The following PLIN4 variants were observed in gnomAD, a reference collection of about 807,000 sequenced individuals.
PLIN4 encodes the protein perilipin-4.
PLIN4 carries 57 observed loss-of-function variants against 52.4 expected under a neutral mutation model. The observed-to-expected ratio is 1.09, with a 90% CI of 0.88 to 1.36. The LOEUF is 1.36. PLIN4 is among the 40% of genes most tolerant of loss of function. PLIN4 has a pLI of 0.00. For missense variants in PLIN4, 1,757 were observed against 1,770.3 expected (o/e 0.99, Z 0.13); for synonymous variants, 826 against 785.4 (o/e 1.05, Z -0.86).
chr19:4,513,303 A>G lies in PLIN4; in HGVS notation c.657T>C (p.Thr219=), dbSNP rs771927591. The G allele has an allele frequency of 5.0e-6, 8 of 1,610,468 alleles. No individual in the cohort carries two copies. Among genetic ancestry groups the G allele is most frequent in the Middle Eastern group, 1.6e-4 (1 of 6,074 alleles). The stretch of plus-strand genomic sequence containing the variant: ...TGGAGGTTTCCACGCCAGTCTGGAC[A>G]GTCCCTTTGGCCAAGTTCACTGCCC... ...VMGAVNLAKG[T]VQTGVETSKA... is the part of the protein sequence containing the mutation. The change falls in exon 5 of 8, where the codon ACT becomes ACC. Residue 219 remains threonine (T), a synonymous_variant. Coordinates refer to ENST00000301286, the MANE Select transcript of PLIN4 (RefSeq NM_001367868.2).
In PLIN4 at chr19:4,510,862, C is replaced by T. The variant is rs200266507; in HGVS notation, c.3098G>A (p.Gly1033Glu). The change falls in exon 5 of 8, where the codon GGG (glycine) becomes GAG (glutamate). Residue 1033 changes from glycine to glutamate, a missense_variant. Gly to Glu is a moderately conservative substitution (Grantham distance 98, BLOSUM62 -2). This residue lies in a region of PLIN4 where 712 missense variants were observed against 637.1 expected (regional missense o/e 1.12). Transcript: ENST00000301286. ...LTGTKDAVSA[G>E]LMGSGNVATG... ...CGCCACGTTCCCTGACCCCATGAGC[C>T]CAGCGGACACTGCGTCTTTGGTTCC... The T allele has an allele frequency of 6.2e-7, 1 of 1,613,656 alleles. No homozygotes were observed.
In PLIN4 at chr19:4,518,376, G is replaced by A. The variant is rs1023177473; in HGVS notation, c.-18+9C>T. 5.8e-5 allele frequency: 71 copies of A among 1,231,312 alleles called. No individual in the cohort carries two copies. The highest frequency in any genetic ancestry group is 6.8e-5 in the Non-Finnish European group (67 of 987,822). The allele number at this position is 1,231,312 out of a possible 1,614,324, so 76.3% of individuals were successfully genotyped here. A position where few individuals can be genotyped will look rare whatever the true frequency, so the allele number is the denominator to read the frequency against. Reference sequence around the variant, plus strand: ...TCCCCACTGAAAGCCTGAGCAGCCCGACACCCACCTGCAGGCCTGGCCTCA... The same window carrying A: ...TCCCCACTGAAAGCCTGAGCAGCCCAACACCCACCTGCAGGCCTGGCCTCA... On this transcript the variant is annotated intron_variant, in intron 1 of 7. Coordinates refer to ENST00000301286, the MANE Select transcript of PLIN4 (RefSeq NM_001367868.2).
rs542118997 is a variant in PLIN4, at chr19:4,510,056, A to G, written c.3514+390T>C. On this transcript the variant is annotated intron_variant, in intron 5 of 7. Coordinates refer to ENST00000301286, the MANE Select transcript of PLIN4 (RefSeq NM_001367868.2). ...CCCCCATCTGAAACAAACCAAATAA[A>G]TACATTTTTAAAAAAAAAGTCAAGG... is the stretch of plus-strand genomic sequence containing the variant. Among the ~76,000 whole-genome samples, 6 of 116,514 alleles carry G rather than the reference A, an allele frequency of 5.1e-5. No individual in the cohort carries two copies. In the South Asian group the frequency reaches 9.0e-4, roughly 17 times the overall value. 76.4% of individuals were successfully genotyped at this position (116,514 alleles called of 152,430 possible).
At chr19:4,506,854 T>C (rs1976109843) in intron 6 of PLIN4, among the ~76,000 whole-genome samples, 1 of 152,254 alleles carries the variant, frequency 6.6e-6, no homozygotes, top group Non-Finnish European at 1.5e-5. Context: ...ACTGCGCCAT[T>C]GTACCGCGTG....
Position 4,512,031 on chromosome 19 carries a change from G to T in PLIN4, c.1929C>A (p.Asn643Lys). ...CAGTTTGCACAGCCCCCTTGGCCAC[G>T]TTCACGGCACTGGTGACCCCACTGT... is the stretch of plus-strand genomic sequence containing the variant. ...TIYSGVTSAV[N>K]VAKGAVQTGL... Residue 643 changes from asparagine (N) to lysine (K), a missense_variant, in exon 5 of 8, where the codon AAC (asparagine) becomes AAA (lysine). By Grantham distance (94) the Asn-to-Lys change is moderately conservative (BLOSUM62 0). This residue lies in a region of PLIN4 where 439 missense variants were observed against 406.4 expected (regional missense o/e 1.08). Transcript: ENST00000301286. The T allele has an allele frequency of 6.2e-7, 1 of 1,611,034 alleles. No homozygotes were observed. The highest frequency in any genetic ancestry group is 8.5e-7 in the Non-Finnish European group (1 of 1,179,378).
chr19:4,511,184 C>CG lies in PLIN4; in HGVS notation c.2775dup (p.Gly926ArgfsTer36). On this transcript the variant is annotated frameshift_variant, in exon 5 of 8. Coordinates refer to ENST00000301286, the MANE Select transcript of PLIN4 (RefSeq NM_001367868.2). LOFTEE classifies it high-confidence loss of function. ...CCACTGCAGACGGTGTCCTTGGTAC[C>CG]GGTCAGGACAGTCTTGCTGGTGTCC... 1 of 1,612,250 alleles carries CG rather than the reference C, an allele frequency of 6.2e-7. No homozygotes were observed. Among genetic ancestry groups the CG allele is most frequent in the South Asian group, 1.1e-5 (1 of 90,904 alleles).
At position 4,502,766 on chromosome 19, in the gene PLIN4, G is replaced by A. The variant is rs529678715; in HGVS notation, c.*1693C>T. On this transcript the variant is annotated 3_prime_UTR_variant, in exon 8 of 8. Coordinates refer to ENST00000301286, the MANE Select transcript of PLIN4 (RefSeq NM_001367868.2). ...CCTCCTCTGCATAAGGGGCTGTCAC[G>A]TGGGCACGGTCCCAAGCAAGTCACC... 1.7e-3 allele frequency: 261 copies of A among 153,586 alleles called. No homozygotes were observed. Among genetic ancestry groups the A allele is most frequent in the Non-Finnish European group, 2.7e-3 (183 of 68,976 alleles). 9.5% of individuals were successfully genotyped at this position (153,586 alleles called of 1,614,324 possible).
In PLIN4 at chr19:4,513,575, G is replaced by C; in HGVS notation, c.385C>G (p.Arg129Gly). 1 of 1,605,392 alleles carries C rather than the reference G, an allele frequency of 6.2e-7. No homozygotes were observed. Among genetic ancestry groups the C allele is most frequent in the South Asian group, 1.1e-5 (1 of 90,192 alleles). ...TCCTTGGTGCCCGTAAGTGCAGACCGAGTGGTGTCCAGGCCTCCCTGGACC... is the reference window on the plus strand; with the variant it reads ...TCCTTGGTGCCCGTAAGTGCAGACCCAGTGGTGTCCAGGCCTCCCTGGACC... ...GVVQGGLDTTRSALTGTKEVV... is the reference protein window; with the variant it reads ...GVVQGGLDTTGSALTGTKEVV... Residue 129 changes from arginine to glycine, a missense_variant, in exon 5 of 8, where the codon CGG (arginine) becomes GGG (glycine). Arg to Gly is a moderately radical substitution (Grantham distance 125, BLOSUM62 -2). This residue lies in a region of PLIN4 where 332 missense variants were observed against 310.8 expected (regional missense o/e 1.07). Transcript: ENST00000301286.
chr19:4,505,948 T>G (rs1442330655), intron 6 of PLIN4, among the ~76,000 whole-genome samples: 1 of 151,678 alleles, frequency 6.6e-6, no homozygotes, highest in East Asian at 1.9e-4. Context: ...TGGGGTCTTC[T>G]CTCACCTCCC....
rs539684965 is a variant in PLIN4 at position 4,502,519 on chromosome 19, T to C, written c.*1940A>G. ...GCTTCCTGCATCTGGCAGCCCAGGG[T>C]CCAGGCAGGTGAGCAGGTCCGATGT... On this transcript the variant is annotated 3_prime_UTR_variant, in exon 8 of 8. Coordinates refer to ENST00000301286, the MANE Select transcript of PLIN4 (RefSeq NM_001367868.2). 1.3e-3 allele frequency: 352 copies of C among 271,440 alleles called. 1 individual carries two copies. Among genetic ancestry groups the C allele is most frequent in the South Asian group, 2.8e-3 (83 of 30,180 alleles). The allele number at this position is 271,440 out of a possible 1,614,324, so 16.8% of individuals were successfully genotyped here.
In PLIN4 at chr19:4,517,710, C is replaced by T. The variant is rs765676516; in HGVS notation, c.52-12G>A. The stretch of plus-strand genomic sequence containing the variant: ...AAGCTGCCCAGGGTCTGCATGGGGG[C>T]GGGGGGTGTGCAGGATGAGCAGGCC... On this transcript the variant is annotated splice_polypyrimidine_tract_variant and intron_variant, in intron 2 of 7. Transcript: ENST00000301286. 1.4e-5 allele frequency: 22 copies of T among 1,573,128 alleles called. 1 individual carries two copies. The highest frequency in any genetic ancestry group is 9.3e-5 in the South Asian group (8 of 86,056).
intron 6 of PLIN4, 135 bp downstream of exon 6, chr19:4,508,633 C>T (rs1976172527): frequency 9.7e-7 from 1 of 1,033,486 alleles, no homozygotes; most frequent in South Asian, 1.7e-5. Flanking sequence ...CCCATGAGTA[C>T]AGAGCCATGA....
At chr19:4,517,510 A>T (rs1476027811) in intron 3 of PLIN4, 44 bp downstream of exon 3, 1 of 1,579,062 alleles carries the variant, frequency 6.3e-7, no homozygotes. Context: ...TCCCAGGTCC[A>T]TGTGTAGAGT....
chr19:4,504,665 G>A lies in PLIN4; in HGVS notation c.3910C>T (p.Arg1304Trp), dbSNP rs761289278. 59 of 1,602,784 alleles carry A rather than the reference G, an allele frequency of 3.7e-5. No individual in the cohort carries two copies. The Middle Eastern group carries it at 4.9e-4, about 13-fold the overall frequency. ...LPAELQQPVGRARHSLCELYG... is the reference protein window; with the variant it reads ...LPAELQQPVGWARHSLCELYG... ...AGCTCACAGAGGCTGTGCCGCGCCCGCCCCACTGGCTGCTGGAGCTCGGCG... is the reference window on the plus strand; with the variant it reads ...AGCTCACAGAGGCTGTGCCGCGCCCACCCCACTGGCTGCTGGAGCTCGGCG... Residue 1304 changes from arginine to tryptophan, a missense_variant, in exon 8 of 8, where the codon CGG (arginine) becomes TGG (tryptophan). Coordinates refer to ENST00000301286, the MANE Select transcript of PLIN4 (RefSeq NM_001367868.2).
chr19:4,518,182 C>G, intron 2 of PLIN4, 40 bp downstream of exon 2: 1 of 1,226,600 alleles, frequency 8.2e-7, no homozygotes, highest in South Asian at 4.1e-5. Flanking sequence ...TGGGGCATCT[C>G]CAGGCCCCAG....
At chr19:4,516,548 G>A in intron 4 of PLIN4, 69 bp downstream of exon 4, 1 of 1,520,914 alleles carries the variant, frequency 6.6e-7, no homozygotes, top group East Asian at 2.5e-5. Flanking sequence ...AGCAGGAACT[G>A]AAATGTCGCA....
Position 4,504,487 on chromosome 19 carries a change from G to A in PLIN4, c.4088C>T (p.Pro1363Leu), listed in dbSNP as rs978096830. ...HNPPLSWLVGPFALPAGGQ is the reference protein window; with the variant it reads ...HNPPLSWLVGLFALPAGGQ Reference sequence around the variant, plus strand: ...CTGCCCGCCAGCGGGCAAGGCGAAGGGCCCTACCAGCCAGCTGAGCGGGGG... The same window carrying A: ...CTGCCCGCCAGCGGGCAAGGCGAAGAGCCCTACCAGCCAGCTGAGCGGGGG... Residue 1363 changes from proline to leucine, a missense_variant, in exon 8 of 8, where the codon CCC becomes CTC. Physicochemically the swap from Pro to Leu is moderately conservative, Grantham distance 98. Transcript: ENST00000301286. 19 of 1,594,546 alleles carry A rather than the reference G, an allele frequency of 1.2e-5. No homozygotes were observed. Among genetic ancestry groups the A allele is most frequent in the Admixed American group, 1.7e-5 (1 of 59,298 alleles).
At position 4,503,169 on chromosome 19, in the gene PLIN4, G is replaced by GTT. The variant is rs1975976751; in HGVS notation, c.*1289_*1290insAA. ...CCCCTGGTGCACACGGTGACCCCTG[G>GTT]GGCCCCTCCACCCTTCCTCCCCCTG... On this transcript the variant is annotated 3_prime_UTR_variant, in exon 8 of 8. Coordinates refer to ENST00000301286, the MANE Select transcript of PLIN4 (RefSeq NM_001367868.2). 6.6e-6 allele frequency: 1 copy of GTT among 152,268 alleles called. No homozygotes were observed. The highest frequency in any genetic ancestry group is 2.4e-5 in the African/African-American group (1 of 41,436). 9.4% of individuals were successfully genotyped at this position (152,268 alleles called of 1,614,324 possible).
chr19:4,508,628 G>T, intron 6 of PLIN4, 140 bp downstream of exon 6: 2 of 977,650 alleles, frequency 2.0e-6, no homozygotes, highest in Non-Finnish European at 1.5e-6. Context: ...CAAGCCCCAT[G>T]AGTACAGAGC....
Sources: allele counts gnomAD v4.1 joint callset (sites outside exome capture counted in the v4.1 genomes callset), GRCh38; gene constraint gnomAD v4.1.1; regional missense constraint gnomAD v4.1.1; transcripts MANE v1.5; gene names NCBI Gene and HGNC (gene_info 2026-07-23, HGNC 2026-07-21).